Variants in MAST4 observed in about 807,000 individuals in gnomAD.
The protein encoded by MAST4 is microtubule-associated serine/threonine-protein kinase 4.
Under a neutral mutation model 162.7 loss-of-function variants are expected in MAST4, and 89 were observed. The ratio of observed to expected loss-of-function variants is 0.55; its 90% CI spans 0.46 to 0.65. The LOEUF is 0.65. Ranked by LOEUF, MAST4 falls within the 30% of genes least tolerant of loss-of-function variation. The pLI is 0.00. For synonymous variants in MAST4, 1,479 were observed against 1,361.1 expected (o/e 1.09, Z -1.91); for missense variants, 3,153 against 3,374.0 (o/e 0.93, Z 1.62).
chr5:67,080,026 C>A (rs1322829882), intron 5 of MAST4, among the ~76,000 whole-genome samples: 2 of 152,196 alleles, frequency 1.3e-5, no homozygotes, highest in African/African-American at 4.8e-5. Flanking sequence ...AGTCGTCACA[C>A]CTGACCTGAC....
At chr5:66,948,341 A>G (rs1233764176) in intron 4 of MAST4, among the ~76,000 whole-genome samples, 7 of 152,294 alleles carry the variant, frequency 4.6e-5, no homozygotes, top group Non-Finnish European at 8.8e-5. Flanking sequence ...AGGCATTACT[A>G]GCGTTCATAT....
intron 2 of MAST4, among the ~76,000 whole-genome samples, chr5:66,780,631 G>A (rs1013490704): frequency 1.3e-5 from 2 of 152,192 alleles, no homozygotes; most frequent in Non-Finnish European, 2.9e-5. Flanking sequence ...CAAGCAGGTT[G>A]CTGCTGCTGG....
intron 5 of MAST4, among the ~76,000 whole-genome samples, chr5:67,082,999 C>T (rs1000727364): frequency 2.0e-5 from 3 of 152,106 alleles, no homozygotes; most frequent in African/African-American, 7.2e-5. Flanking sequence ...ATATGCAGTT[C>T]CCATTGACAC....
intron 4 of MAST4, among the ~76,000 whole-genome samples, chr5:66,926,359 C>A (rs1017865437): frequency 2.0e-5 from 3 of 152,092 alleles, no homozygotes; most frequent in African/African-American, 7.2e-5. Flanking sequence ...GCCAGCCTGA[C>A]AAATATGGTG....
chr5:66,951,519 TTG>T (rs1744664810), intron 4 of MAST4, among the ~76,000 whole-genome samples: 1 of 152,042 alleles, frequency 6.6e-6, no homozygotes. Context: ...AAAGCCCCTT[TTG>T]TCATGTAAAA....
intron 2 of MAST4, among the ~76,000 whole-genome samples, chr5:66,767,678 A>G (rs1754163696): frequency 6.6e-6 from 1 of 152,066 alleles, no homozygotes; most frequent in African/African-American, 2.4e-5. Context: ...AGGTCCCACA[A>G]TAGGCCATTT....
rs1480012199 is a variant in MAST4, at chr5:67,142,094, T to C, written c.2495-21T>C. ...GGATAGTTTAACACTTTCCTCTCTG[T>C]CTCTACCTGCCCCCTTCCAGGTGGT... On this transcript the variant is annotated intron_variant, in intron 19 of 28. Transcript: ENST00000403625. The C allele has an allele frequency of 3.1e-6, 5 of 1,611,448 alleles. No individual in the cohort carries two copies. The Admixed American group carries it at 8.4e-5, about 27-fold the overall frequency.
chr5:66,920,324 A>G lies in MAST4; in HGVS notation c.674+20342A>G, dbSNP rs188480086. The stretch of plus-strand genomic sequence containing the variant: ...TGACAGAGTTGATAAAGATAAATAT[A>G]AAAAATTAGAGTATATTTTAAATAT... On this transcript the variant is annotated intron_variant, in intron 4 of 28. Transcript: ENST00000403625. Among the ~76,000 whole-genome samples, 520 of 152,284 alleles carry G rather than the reference A, an allele frequency of 3.4e-3. 2 individuals carry two copies. The highest frequency in any genetic ancestry group is 0.012 in the African/African-American group (498 of 41,564).
At chr5:66,673,654 C>A (rs1747769701) in intron 1 of MAST4, among the ~76,000 whole-genome samples, 1 of 151,720 alleles carries the variant, frequency 6.6e-6, no homozygotes, top group African/African-American at 2.4e-5. Context: ...GCTGCCACAC[C>A]CTGCTAATTT....
intron 18 of MAST4, among the ~76,000 whole-genome samples, chr5:67,135,513 A>G (rs1769496803): frequency 6.6e-6 from 1 of 152,148 alleles, no homozygotes; most frequent in African/African-American, 2.4e-5. Flanking sequence ...TAGGGGAAAA[A>G]TTCATTTTGC....
At chr5:67,000,730 A>G (rs1002898324) in intron 4 of MAST4, among the ~76,000 whole-genome samples, 4 of 146,984 alleles carry the variant, frequency 2.7e-5, no homozygotes, top group African/African-American at 9.9e-5. Context: ...CCTGGGCGAC[A>G]AGAGTGAAAC....
chr5:67,103,187 C>G (rs1277944149), intron 9 of MAST4, among the ~76,000 whole-genome samples: 4 of 152,136 alleles, frequency 2.6e-5, no homozygotes, highest in Non-Finnish European at 5.9e-5. Flanking sequence ...CTGCCAAGCC[C>G]CTGGCTGCAA....
chr5:66,933,285 T>C (rs748426569), intron 4 of MAST4, among the ~76,000 whole-genome samples: 6 of 152,192 alleles, frequency 3.9e-5, no homozygotes, highest in Non-Finnish European at 8.8e-5. Flanking sequence ...ATAATTTGAC[T>C]CACTGGAAGT....
chr5:66,986,537 C>T lies in MAST4; in HGVS notation c.675-67867C>T, dbSNP rs192012897. ...ATCCAAAGCTCATATTGTTTCCTTT[C>T]CAGTACTTTCTCTCTGTCTTTCCAT... On this transcript the variant is annotated intron_variant, in intron 4 of 28. Coordinates refer to ENST00000403625, the MANE Select transcript of MAST4 (RefSeq NM_001164664.2). 6,318 of 1,458,434 alleles carry T rather than the reference C, an allele frequency of 4.3e-3. 23 individuals are homozygous for T. Among genetic ancestry groups the T allele is most frequent in the Non-Finnish European group, 5.1e-3 (5,582 of 1,089,698 alleles). 90.3% of individuals were successfully genotyped at this position (1,458,434 alleles called of 1,614,324 possible).
intron 4 of MAST4, among the ~76,000 whole-genome samples, chr5:66,927,703 G>A (rs1368201645): frequency 1.3e-5 from 2 of 152,202 alleles, no homozygotes; most frequent in East Asian, 1.9e-4. Flanking sequence ...ACCCAGGAAG[G>A]TGCTTGAAGA....
At chr5:66,998,855 C>G (rs1750957697) in intron 4 of MAST4, among the ~76,000 whole-genome samples, 1 of 152,234 alleles carries the variant, frequency 6.6e-6, no homozygotes, top group African/African-American at 2.4e-5. Context: ...CCCTTTCATG[C>G]AGGAGCTCTC....
intron 1 of MAST4, among the ~76,000 whole-genome samples, chr5:66,718,684 C>T (rs1045491813): frequency 1.3e-5 from 2 of 152,176 alleles, no homozygotes; most frequent in Non-Finnish European, 2.9e-5. Flanking sequence ...CTCATCTCCC[C>T]AAGTTTGTCT....
intron 3 of MAST4, among the ~76,000 whole-genome samples, chr5:66,863,821 T>C (rs200868710): frequency 6.6e-6 from 1 of 152,186 alleles, no homozygotes; most frequent in East Asian, 1.9e-4. Flanking sequence ...AGGGCACCTG[T>C]CAGGTGACCT....
intron 4 of MAST4, among the ~76,000 whole-genome samples, chr5:66,966,669 A>G (rs1746771245): frequency 6.6e-6 from 1 of 152,250 alleles, no homozygotes; most frequent in Non-Finnish European, 1.5e-5. Flanking sequence ...AGAAGGTGGT[A>G]TTCTGACTGT....
Sources: allele counts gnomAD v4.1 joint callset (sites outside exome capture counted in the v4.1 genomes callset), GRCh38; gene constraint gnomAD v4.1.1; transcripts MANE v1.5; gene names NCBI Gene and HGNC (gene_info 2026-07-23, HGNC 2026-07-21).